SPPL3: variants seen among roughly 807,000 people sequenced by gnomAD.
SPPL3 encodes signal peptide peptidase-like 3.
In SPPL3, 5 loss-of-function variants were observed where a neutral mutation model predicts 42.4. The observed-to-expected ratio is 0.12, with a 90% CI of 0.06 to 0.25. SPPL3 has a LOEUF of 0.25. SPPL3 is among the 10% of genes least tolerant of loss of function. The pLI, the probability that SPPL3 is intolerant of heterozygous loss-of-function variation, is 1.00. For missense variants in SPPL3, 235 were observed against 489.0 expected (o/e 0.48, Z 4.90); for synonymous variants, 195 against 181.8 (o/e 1.07, Z -0.58).
At chr12:120,898,150 A>G (rs1873866997) in intron 1 of SPPL3, among the ~76,000 whole-genome samples, 1 of 151,948 alleles carries the variant, frequency 6.6e-6, no homozygotes, top group South Asian at 2.1e-4. Context: ...CATGTCTACA[A>G]AAAATTAGCT....
intron 1 of SPPL3, among the ~76,000 whole-genome samples, chr12:120,811,897 A>G (rs2137002220): frequency 6.6e-6 from 1 of 152,290 alleles, no homozygotes; most frequent in South Asian, 2.1e-4. Flanking sequence ...AATGTTACAA[A>G]AGAGAGAAAG....
At chr12:120,846,958 G>C (rs1015315202) in intron 1 of SPPL3, among the ~76,000 whole-genome samples, 2 of 152,146 alleles carry the variant, frequency 1.3e-5, no homozygotes, top group African/African-American at 4.8e-5. Context: ...CTGTGGTTAA[G>C]CTTGTGCAGT....
At chr12:120,828,670 A>G (rs1871300865) in intron 1 of SPPL3, among the ~76,000 whole-genome samples, 1 of 152,246 alleles carries the variant, frequency 6.6e-6, no homozygotes, top group East Asian at 1.9e-4. Context: ...TGAGGAATAC[A>G]CGTACTGTTC....
At chr12:120,822,729 T>C (rs888104377) in intron 1 of SPPL3, among the ~76,000 whole-genome samples, 2 of 152,124 alleles carry the variant, frequency 1.3e-5, no homozygotes, top group Admixed American at 6.5e-5. Context: ...AAATCTCCAA[T>C]GACCCTGGGG....
At chr12:120,885,615 T>C (rs1348478855) in intron 1 of SPPL3, among the ~76,000 whole-genome samples, 1 of 152,142 alleles carries the variant, frequency 6.6e-6, no homozygotes, top group Non-Finnish European at 1.5e-5. Context: ...AAAAAGTTGT[T>C]TTTTTAATCC....
At chr12:120,900,389 A>T (rs1234666197) in intron 1 of SPPL3, among the ~76,000 whole-genome samples, 1 of 151,540 alleles carries the variant, frequency 6.6e-6, no homozygotes, top group Non-Finnish European at 1.5e-5. Context: ...AAGCAGGCAG[A>T]TCACTTGGGC....
intron 1 of SPPL3, among the ~76,000 whole-genome samples, chr12:120,876,987 A>G (rs529773396): frequency 6.6e-6 from 1 of 152,250 alleles, no homozygotes; most frequent in East Asian, 1.9e-4. Flanking sequence ...GGAGAAAGGG[A>G]GAAGTACAAA....
intron 1 of SPPL3, among the ~76,000 whole-genome samples, chr12:120,902,547 T>C (rs1644352804): frequency 6.6e-6 from 1 of 152,174 alleles, no homozygotes; most frequent in South Asian, 2.1e-4. Flanking sequence ...AAAAGGTAAT[T>C]CCCTCTATTT....
intron 2 of SPPL3, among the ~76,000 whole-genome samples, chr12:120,805,032 T>C (rs117496787): frequency 1.3e-5 from 2 of 152,170 alleles, no homozygotes; most frequent in East Asian, 1.9e-4. Flanking sequence ...GGCAAATCTA[T>C]AGAGATAAAA....
chr12:120,802,838 C>T (rs1190178136), intron 2 of SPPL3, among the ~76,000 whole-genome samples: 1 of 152,196 alleles, frequency 6.6e-6, no homozygotes. Flanking sequence ...TTAGACCACA[C>T]TTAGCAGTAA....
At chr12:120,830,606 A>AGAGAGAGAGAGAGAGG (rs377406347) in intron 1 of SPPL3, among the ~76,000 whole-genome samples, 1 of 124,582 alleles carries the variant, frequency 8.0e-6, no homozygotes, top group Admixed American at 8.1e-5. Flanking sequence ...AGAGAGAGAG[A>AGAGAGAGAGAGAGAGG]AGGTGTACAT....
rs368658291 is a variant in SPPL3 at position 120,764,924 on chromosome 12, G to A, written c.*75C>T. On this transcript the variant is annotated 3_prime_UTR_variant, in exon 11 of 11. Transcript: ENST00000353487. ...AGGTACATTTCTGAGTACCAGGCCA[G>A]CTCTAAGAGGAAACAAACCATGAGT... is the stretch of plus-strand genomic sequence containing the variant. 3.9e-4 allele frequency: 589 copies of A among 1,513,046 alleles called. 3 individuals are homozygous for A. In the African/African-American group the frequency reaches 7.0e-3, roughly 18 times the overall value. 93.7% of individuals were successfully genotyped at this position (1,513,046 alleles called of 1,614,324 possible).
At chr12:120,873,809 T>C (rs535743100) in intron 1 of SPPL3, among the ~76,000 whole-genome samples, 29 of 151,776 alleles carry the variant, frequency 1.9e-4, no homozygotes, top group African/African-American at 7.0e-4. Context: ...GAGGCGGAGG[T>C]TGCAGTGAGC....
intron 2 of SPPL3, among the ~76,000 whole-genome samples, chr12:120,802,344 T>A (rs985644692): frequency 6.7e-6 from 1 of 149,272 alleles, no homozygotes; most frequent in Non-Finnish European, 1.5e-5. Context: ...TATATGTATG[T>A]ATGTATGTAT....
At chr12:120,799,533 G>A (rs542355001) in intron 2 of SPPL3, among the ~76,000 whole-genome samples, 3 of 152,148 alleles carry the variant, frequency 2.0e-5, no homozygotes, top group South Asian at 2.1e-4. Flanking sequence ...ACTGCAGCAG[G>A]GACAGGAAAG....
intron 1 of SPPL3, among the ~76,000 whole-genome samples, chr12:120,873,347 C>T (rs1872985565): frequency 2.6e-5 from 4 of 151,988 alleles, no homozygotes; most frequent in Admixed American, 2.6e-4. Context: ...AACTAGAATA[C>T]AGGAAGGGCA....
At chr12:120,827,325 GAACAATAAT>G (rs1263722090) in intron 1 of SPPL3, among the ~76,000 whole-genome samples, 1 of 17,602 alleles carries the variant, frequency 5.7e-5, no homozygotes, top group Non-Finnish European at 1.0e-4. Flanking sequence ...ATAATAACAG[GAACAATAAT>G]AATAATAATA....
At chr12:120,772,636 T>A (rs1869165004) in intron 6 of SPPL3, among the ~76,000 whole-genome samples, 1 of 152,136 alleles carries the variant, frequency 6.6e-6, no homozygotes, top group Non-Finnish European at 1.5e-5. Flanking sequence ...TGGTGGTAAA[T>A]TGTCAATATA....
rs71453512 is a variant in SPPL3, at chr12:120,871,130, C to CAAAAAAAAAAAAAAAAAAAAAAA, written c.23+32714_23+32715insTTTTTTTTTTTTTTTTTTTTTTT. Among the ~76,000 whole-genome samples the CAAAAAAAAAAAAAAAAAAAAAAA allele has an allele frequency of 2.0e-3, 105 of 51,698 alleles. 7 individuals are homozygous for CAAAAAAAAAAAAAAAAAAAAAAA. Among genetic ancestry groups the CAAAAAAAAAAAAAAAAAAAAAAA allele is most frequent in the Non-Finnish European group, 3.0e-3 (84 of 27,562 alleles). The allele number at this position is 51,698 out of a possible 152,430, so 33.9% of individuals were successfully genotyped here. A position where few individuals can be genotyped will look rare whatever the true frequency, so the allele number is the denominator to read the frequency against. Reference sequence around the variant, plus strand: ...GGGCGACAGAGTGAGACTCCGTCTCCAAAAAAAAAAAAAAAAAAAGAAAAA... The same window carrying CAAAAAAAAAAAAAAAAAAAAAAA: ...GGGCGACAGAGTGAGACTCCGTCTCCAAAAAAAAAAAAAAAAAAAAAAAAAAAAAAAAAAAAAAAAAAGAAAAA... On this transcript the variant is annotated intron_variant, in intron 1 of 10. Transcript: ENST00000353487.
Sources: gnomAD v4.1 joint callset for allele counts (sites outside exome capture counted in the v4.1 genomes callset) on GRCh38, gnomAD v4.1.1 for gene constraint, MANE v1.5 for transcripts, NCBI Gene and HGNC (gene_info 2026-07-23, HGNC 2026-07-21) for gene names.